The following KLHL1 variants were observed in gnomAD, a reference collection of about 807,000 sequenced individuals.
The protein encoded by KLHL1 is kelch like family member 1, also known as kelch-like protein 1.
In KLHL1, 47 loss-of-function variants were observed where a neutral mutation model predicts 77.7. The observed-to-expected ratio is 0.60, with a 90% confidence interval of 0.48 to 0.77. The LOEUF is 0.77. KLHL1 is among the 30% of genes least tolerant of loss of function. The probability of loss-of-function intolerance (pLI) is 0.00; values close to 1 mark genes in which losing one functional copy is unlikely to be tolerated. For synonymous variants in KLHL1, 360 were observed against 325.2 expected, an observed-to-expected ratio of 1.11 and a Z score of -1.15; for missense variants, 925 against 910.8, an observed-to-expected ratio of 1.02 and a Z score of -0.20.
chr13:69,978,527 C>T (rs1419616815), intron 1 of KLHL1, among the ~76,000 whole-genome samples: 1 of 150,656 alleles, frequency 6.6e-6, no homozygotes, highest in Non-Finnish European at 1.5e-5. Context: ...CACTCTGTCG[C>T]CCAGGTTGGG....
intron 1 of KLHL1, among the ~76,000 whole-genome samples, chr13:70,037,683 A>G (rs1886273402): frequency 6.6e-6 from 1 of 152,034 alleles, no homozygotes; most frequent in Non-Finnish European, 1.5e-5. Context: ...TTTGTTTTAA[A>G]TATCTTCTTC....
chr13:69,912,397 AATTGT>A (rs1455710992), intron 4 of KLHL1, among the ~76,000 whole-genome samples: 7 of 152,184 alleles, frequency 4.6e-5, no homozygotes, highest in Admixed American at 6.5e-5. Context: ...ATCAGAAAAA[AATTGT>A]ATTGTATGTG....
At chr13:70,084,458 C>CTTTTTTTTTTTTTTT (rs1386556599) in intron 1 of KLHL1, among the ~76,000 whole-genome samples, 2 of 62,758 alleles carry the variant, frequency 3.2e-5, no homozygotes, top group African/African-American at 1.4e-4. Flanking sequence ...TCTATTTCTT[C>CTTTTTTTTTTTTTTT]TTCTTCTTTT....
chr13:69,997,644 T>C (rs1397553980), intron 1 of KLHL1, among the ~76,000 whole-genome samples: 4 of 147,502 alleles, frequency 2.7e-5, no homozygotes, highest in Non-Finnish European at 3.0e-5. Context: ...GATTTCCTTT[T>C]CTTAGCTGAC....
chr13:69,779,875 A>G (rs1876044983), intron 7 of KLHL1, among the ~76,000 whole-genome samples: 1 of 152,004 alleles, frequency 6.6e-6, no homozygotes, highest in African/African-American at 2.4e-5. Flanking sequence ...CAATGGTGCG[A>G]TCTCGGCTCA....
chr13:69,849,991 C>G (rs1242840473), intron 5 of KLHL1, among the ~76,000 whole-genome samples: 1 of 151,508 alleles, frequency 6.6e-6, no homozygotes, highest in African/African-American at 2.4e-5. Flanking sequence ...GCTAAACAAT[C>G]AACCAAATAT....
At chr13:69,825,156 T>C (rs1451748624) in intron 6 of KLHL1, among the ~76,000 whole-genome samples, 1 of 152,114 alleles carries the variant, frequency 6.6e-6, no homozygotes, top group African/African-American at 2.4e-5. Context: ...TATAATAATA[T>C]GTTGATAAAA....
chr13:69,740,252 CTTTA>C (rs1366381125), intron 8 of KLHL1, 138 bp downstream of exon 8: 10 of 603,640 alleles, frequency 1.7e-5, no homozygotes, highest in African/African-American at 1.3e-4. Flanking sequence ...GAGCACCAGT[CTTTA>C]TTTGTCAATT....
At chr13:69,710,561 A>G (rs1875826752) in intron 9 of KLHL1, among the ~76,000 whole-genome samples, 1 of 152,072 alleles carries the variant, frequency 6.6e-6, no homozygotes, top group Non-Finnish European at 1.5e-5. Flanking sequence ...ATCTCCCAGT[A>G]GCCATTGTTC....
At chr13:70,101,548 C>G (rs1203192951) in intron 1 of KLHL1, among the ~76,000 whole-genome samples, 4 of 152,150 alleles carry the variant, frequency 2.6e-5, no homozygotes, top group African/African-American at 9.7e-5. Flanking sequence ...CCTGCCTCAG[C>G]CTCCCAAGGA....
Position 69,701,073 on chromosome 13 carries a change from C to T in KLHL1, c.*629G>A, listed in dbSNP as rs2137861877. 6.6e-6 allele frequency: 1 copy of T among 152,318 alleles called. No individual in the cohort carries two copies. The highest frequency in any genetic ancestry group is 1.5e-5 in the Non-Finnish European group (1 of 67,828). 9.4% of individuals were successfully genotyped at this position (152,318 alleles called of 1,614,324 possible). On this transcript the variant is annotated 3_prime_UTR_variant, in exon 11 of 11. Coordinates refer to ENST00000377844, the MANE Select transcript of KLHL1 (RefSeq NM_020866.3). ...CAATATGGTTGCAATAAAATTCAACCATTATCTCTGATGAGATATGCAGCT... is the reference window on the plus strand; with the variant it reads ...CAATATGGTTGCAATAAAATTCAACTATTATCTCTGATGAGATATGCAGCT...
At chr13:69,895,716 T>TC (rs1244529416) in intron 4 of KLHL1, among the ~76,000 whole-genome samples, 1 of 150,752 alleles carries the variant, frequency 6.6e-6, no homozygotes, top group Non-Finnish European at 1.5e-5. Context: ...TTTTTTCCTT[T>TC]TTTTTTTTTT....
chr13:69,915,989 A>T (rs976180556), intron 4 of KLHL1, among the ~76,000 whole-genome samples: 2 of 152,242 alleles, frequency 1.3e-5, no homozygotes, highest in African/African-American at 4.8e-5. Context: ...ACATGAAAAA[A>T]TGCTCATCAT....
intron 5 of KLHL1, among the ~76,000 whole-genome samples, chr13:69,853,709 T>C (rs1469622119): frequency 6.6e-6 from 1 of 152,048 alleles, no homozygotes. Flanking sequence ...TGCTGTATTC[T>C]TACCATGCCA....
chr13:69,780,454 T>C (rs1054283243), intron 7 of KLHL1, among the ~76,000 whole-genome samples: 1 of 151,870 alleles, frequency 6.6e-6, no homozygotes, highest in African/African-American at 2.4e-5. Context: ...ACATATGATA[T>C]ATTTAGAGAA....
intron 1 of KLHL1, among the ~76,000 whole-genome samples, chr13:69,985,654 GATGAAT>G (rs1884843700): frequency 6.6e-6 from 1 of 150,932 alleles, no homozygotes; most frequent in Non-Finnish European, 1.5e-5. Context: ...AAGGAAATGA[GATGAAT>G]ATGTTGAAAA....
chr13:69,875,598 T>G (rs1375558552), intron 5 of KLHL1, among the ~76,000 whole-genome samples: 2 of 152,280 alleles, frequency 1.3e-5, no homozygotes, highest in East Asian at 3.9e-4. Flanking sequence ...ATGAGGAGTT[T>G]GTGCATGTGA....
In KLHL1 at chr13:69,728,927, C is replaced by G. The variant is rs1025580164; in HGVS notation, c.1803-9346G>C. 4.6e-5 allele frequency among the ~76,000 whole-genome samples: 7 copies of G among 152,110 alleles called. No individual in the cohort carries two copies. The South Asian group carries it at 1.5e-3, about 32-fold the overall frequency. ...TTTGCAGATTCTTAAGGGGGTGGTA[C>G]TACATATTTATTAAAATTCAAGCCT... On this transcript the variant is annotated intron_variant, in intron 8 of 10. Transcript: ENST00000377844.
chr13:69,909,555 A>G (rs895403731), intron 4 of KLHL1, among the ~76,000 whole-genome samples: 4 of 151,968 alleles, frequency 2.6e-5, no homozygotes, highest in Admixed American at 6.6e-5. Flanking sequence ...AAAAAAATCA[A>G]AAGTCCAGAT....
Sources: gnomAD v4.1 joint callset for allele counts (sites outside exome capture counted in the v4.1 genomes callset) on GRCh38, gnomAD v4.1.1 for gene constraint, MANE v1.5 for transcripts, NCBI Gene and HGNC (gene_info 2026-07-23, HGNC 2026-07-21) for gene names.